CTNNA2: variants seen among roughly 807,000 people sequenced by gnomAD.
CTNNA2 encodes catenin alpha-2.
CTNNA2 carries 42 observed loss-of-function variants against 101.0 expected under a neutral mutation model. That is an observed-to-expected ratio of 0.42 (90% CI 0.32 to 0.54). CTNNA2 has a LOEUF of 0.54. Ranked by LOEUF, CTNNA2 falls within the 20% of genes least tolerant of loss-of-function variation. The pLI is 0.14. For missense variants in CTNNA2, 871 were observed against 1,223.1 expected, an observed-to-expected ratio of 0.71 and a Z score of 4.29; for synonymous variants, 450 against 456.4, an observed-to-expected ratio of 0.99 and a Z score of 0.18.
intron 1 of CTNNA2, among the ~76,000 whole-genome samples, chr2:79,545,998 G>A (rs1462942868): frequency 6.6e-6 from 1 of 152,208 alleles, no homozygotes; most frequent in Non-Finnish European, 1.5e-5. Context: ...GTCAGGCACA[G>A]AGAAGCTAAG....
chr2:80,201,522 T>C (rs1707211566), intron 7 of CTNNA2, among the ~76,000 whole-genome samples: 1 of 151,698 alleles, frequency 6.6e-6, no homozygotes, highest in African/African-American at 2.4e-5. Context: ...TACAGGCGCC[T>C]GCCACCATGC....
chr2:79,318,836 A>G (rs1461075632), intron 3 of CTNNA2, among the ~76,000 whole-genome samples: 1 of 152,232 alleles, frequency 6.6e-6, no homozygotes, highest in African/African-American at 2.4e-5. Flanking sequence ...CTGGCCGTTT[A>G]CAGAACAAGT....
At chr2:80,446,383 A>G (rs1683071951) in intron 9 of CTNNA2, among the ~76,000 whole-genome samples, 3 of 152,208 alleles carry the variant, frequency 2.0e-5, no homozygotes, top group Admixed American at 1.3e-4. Context: ...AAGAAAATAG[A>G]TTGTGTTATG....
chr2:79,626,658 G>A (rs936999972), intron 1 of CTNNA2, among the ~76,000 whole-genome samples: 3 of 147,096 alleles, frequency 2.0e-5, no homozygotes, highest in African/African-American at 2.6e-5. Context: ...TGTGTGTGTC[G>A]AGTCCAGAAG....
intron 4 of CTNNA2, among the ~76,000 whole-genome samples, chr2:79,429,163 G>T (rs976792359): frequency 6.6e-6 from 1 of 152,052 alleles, no homozygotes; most frequent in African/African-American, 2.4e-5. Context: ...AGACATCAAA[G>T]AATATTTCAT....
chr2:80,104,377 A>G (rs1331480235), intron 7 of CTNNA2, among the ~76,000 whole-genome samples: 2 of 152,200 alleles, frequency 1.3e-5, no homozygotes, highest in Non-Finnish European at 2.9e-5. Context: ...GAGAGGAGAG[A>G]GAACAAATCC....
At chr2:79,799,508 C>T (rs74757277) in intron 3 of CTNNA2, among the ~76,000 whole-genome samples, 1,627 of 152,240 alleles carry the variant, frequency 0.011, 51 homozygotes, top group East Asian at 0.1. Context: ...GGAAGAATCT[C>T]TTCTTGTACG....
At chr2:80,231,861 G>GTT (rs201960960) in intron 7 of CTNNA2, among the ~76,000 whole-genome samples, 1 of 151,948 alleles carries the variant, frequency 6.6e-6, no homozygotes, top group African/African-American at 2.4e-5. Context: ...TCCCTTACTA[G>GTT]TTTTTTTTCC....
intron 7 of CTNNA2, among the ~76,000 whole-genome samples, chr2:79,984,417 C>T (rs111705406): frequency 6.6e-6 from 1 of 152,144 alleles, no homozygotes. Context: ...TGATTGTGCT[C>T]ATTTATCATG....
intron 9 of CTNNA2, among the ~76,000 whole-genome samples, chr2:80,536,254 TTA>T (rs1163509185): frequency 7.2e-5 from 11 of 152,170 alleles, no homozygotes; most frequent in Non-Finnish European, 1.3e-4. Context: ...GATGATAGTT[TTA>T]GAGAAAAATG....
intron 4 of CTNNA2, among the ~76,000 whole-genome samples, chr2:79,426,510 A>G (rs902081226): frequency 5.9e-5 from 9 of 152,118 alleles, no homozygotes; most frequent in Admixed American, 1.3e-4. Context: ...AGCCTAATCC[A>G]TACATCTCTA....
intron 9 of CTNNA2, among the ~76,000 whole-genome samples, chr2:80,472,375 G>A (rs1161207572): frequency 6.6e-6 from 1 of 152,130 alleles, no homozygotes; most frequent in Non-Finnish European, 1.5e-5. Context: ...CTGACTTGGA[G>A]GGAGGTCGTG....
chr2:79,231,735 C>T (rs1674496105), intron 2 of CTNNA2, among the ~76,000 whole-genome samples: 1 of 152,086 alleles, frequency 6.6e-6, no homozygotes, highest in South Asian at 2.1e-4. Context: ...TGGTTTCTTT[C>T]AGCAATGTAT....
intron 9 of CTNNA2, among the ~76,000 whole-genome samples, chr2:80,424,536 C>G (rs985717459): frequency 3.3e-5 from 5 of 152,132 alleles, no homozygotes. Flanking sequence ...TGTTCTCCTT[C>G]CAGAGAGGAT....
intron 2 of CTNNA2, among the ~76,000 whole-genome samples, chr2:79,200,314 G>A (rs1021920456): frequency 6.6e-6 from 1 of 151,586 alleles, no homozygotes; most frequent in African/African-American, 2.4e-5. Flanking sequence ...AACCTGGAAG[G>A]AAGAGGTTGC....
At chr2:80,195,084 T>G (rs1706750321) in intron 7 of CTNNA2, among the ~76,000 whole-genome samples, 1 of 152,188 alleles carries the variant, frequency 6.6e-6, no homozygotes, top group Non-Finnish European at 1.5e-5. Flanking sequence ...GGACCTTTAC[T>G]TAAAGACTCT....
intron 1 of CTNNA2, among the ~76,000 whole-genome samples, chr2:79,544,163 C>T (rs1300383597): frequency 1.3e-5 from 2 of 152,196 alleles, no homozygotes; most frequent in Non-Finnish European, 2.9e-5. Context: ...GTCTCAAACT[C>T]TGGACCTCAA....
intron 9 of CTNNA2, among the ~76,000 whole-genome samples, chr2:80,432,446 A>G (rs1272235815): frequency 6.6e-6 from 1 of 152,218 alleles, no homozygotes; most frequent in Non-Finnish European, 1.5e-5. Flanking sequence ...ACTTCCCACC[A>G]GATTGCTGCC....
chr2:79,868,648 C>T (rs934291057), intron 4 of CTNNA2, among the ~76,000 whole-genome samples: 6 of 152,166 alleles, frequency 3.9e-5, no homozygotes, highest in African/African-American at 1.2e-4. Flanking sequence ...ATATAATGCC[C>T]TTTAATTTGC....
Sources: allele counts gnomAD v4.1 joint callset (sites outside exome capture counted in the v4.1 genomes callset), GRCh38; gene constraint gnomAD v4.1.1; transcripts MANE v1.5; gene names NCBI Gene and HGNC (gene_info 2026-07-23, HGNC 2026-07-21).